UHRF2: variants seen among roughly 807,000 people sequenced by gnomAD.
The protein encoded by UHRF2 is ubiquitin like with PHD and ring finger domains 2, also known as E3 ubiquitin-protein ligase UHRF2.
Under a neutral mutation model 96.8 loss-of-function variants are expected in UHRF2, and 23 were observed. That is an observed-to-expected ratio of 0.24 (90% CI 0.17 to 0.34). UHRF2 has a LOEUF of 0.34. Ranked by LOEUF, UHRF2 falls within the 10% of genes least tolerant of loss-of-function variation. UHRF2 has a pLI of 1.00. For missense variants in UHRF2, 685 were observed against 981.5 expected, an observed-to-expected ratio of 0.70 and a Z score of 4.04; for synonymous variants, 385 against 332.6, an observed-to-expected ratio of 1.16 and a Z score of -1.72.
chr9:6,501,980 T>C (rs2130973379), intron 14 of UHRF2, among the ~76,000 whole-genome samples: 2 of 152,344 alleles, frequency 1.3e-5, no homozygotes, highest in Admixed American at 1.3e-4. Flanking sequence ...GGACAGATTC[T>C]GACCTTCCTA....
chr9:6,447,195 C>G (rs1374423520), intron 3 of UHRF2, among the ~76,000 whole-genome samples: 1 of 152,108 alleles, frequency 6.6e-6, no homozygotes, highest in African/African-American at 2.4e-5. Context: ...AGCCAGCACA[C>G]GTACCTTTTA....
chr9:6,487,635 G>T (rs2130930330), intron 9 of UHRF2, among the ~76,000 whole-genome samples: 1 of 152,296 alleles, frequency 6.6e-6, no homozygotes, highest in East Asian at 1.9e-4. Flanking sequence ...CCAAAGTGTT[G>T]GGATTACAGG....
At chr9:6,501,153 C>G (rs1563811216) in intron 14 of UHRF2, among the ~76,000 whole-genome samples, 1 of 152,138 alleles carries the variant, frequency 6.6e-6, no homozygotes, top group Non-Finnish European at 1.5e-5. Context: ...TCTAAATTTT[C>G]ATTTTTTCTT....
At chr9:6,501,716 G>A (rs1386856235) in intron 14 of UHRF2, among the ~76,000 whole-genome samples, 1 of 152,202 alleles carries the variant, frequency 6.6e-6, no homozygotes, top group East Asian at 1.9e-4. Flanking sequence ...GTGTTTACTT[G>A]TATTTTAGCC....
At chr9:6,442,182 C>G (rs1236133971) in intron 3 of UHRF2, among the ~76,000 whole-genome samples, 3 of 152,176 alleles carry the variant, frequency 2.0e-5, no homozygotes, top group African/African-American at 4.8e-5. Context: ...CCAGGCTGGT[C>G]TCAAACTCCT....
In UHRF2 at chr9:6,451,340, A is replaced by G. The variant is rs185559273; in HGVS notation, c.645-9233A>G. On this transcript the variant is annotated intron_variant, in intron 3 of 15. Transcript: ENST00000276893. ...TTTAGGGATTTCTCACATTTTGTTA[A>G]TTGTGTTTATAATTATGTGACACAT... is the stretch of plus-strand genomic sequence containing the variant. Among the ~76,000 whole-genome samples, 78 of 152,206 alleles carry G rather than the reference A, an allele frequency of 5.1e-4. 1 individual carries two copies. The highest frequency in any genetic ancestry group is 3.4e-4 in the Non-Finnish European group (23 of 67,998).
intron 2 of UHRF2, among the ~76,000 whole-genome samples, chr9:6,430,818 C>T (rs1236398276): frequency 6.6e-6 from 1 of 152,182 alleles, no homozygotes; most frequent in East Asian, 1.9e-4. Context: ...CTGACCAAAC[C>T]TAGTGCTTTC....
Position 6,500,713 on chromosome 9 carries a change from T to C in UHRF2, c.2163+4T>C. 2 of 1,597,282 alleles carry C rather than the reference T, an allele frequency of 1.3e-6. No homozygotes were observed. The highest frequency in any genetic ancestry group is 1.7e-6 in the Non-Finnish European group (2 of 1,174,940). On this transcript the variant is annotated splice_donor_region_variant and intron_variant, in intron 14 of 15. Transcript: ENST00000276893. The stretch of plus-strand genomic sequence containing the variant: ...TTCACATCTTGTGGAAGGACCAGTA[T>C]GTGAAGATTTTTTTAAATAATAACA...
intron 10 of UHRF2, chr9:6,494,281 G>C (rs145644394): frequency 5.0e-6 from 1 of 201,178 alleles, no homozygotes; most frequent in Non-Finnish European, 1.0e-5. Flanking sequence ...CTCCTTTTTA[G>C]AGTAAACTCA....
intron 3 of UHRF2, among the ~76,000 whole-genome samples, chr9:6,436,201 A>AT (rs1448218006): frequency 1.3e-5 from 2 of 152,234 alleles, no homozygotes; most frequent in Non-Finnish European, 2.9e-5. Flanking sequence ...ACACTTCAGT[A>AT]TTCAGATTTC....
intron 2 of UHRF2, among the ~76,000 whole-genome samples, chr9:6,431,028 CTAGAT>C (rs1185517515): frequency 4.6e-5 from 7 of 152,168 alleles, no homozygotes; most frequent in Admixed American, 3.3e-4. Flanking sequence ...TTAATTTGTA[CTAGAT>C]TACTTAGTTA....
At chr9:6,437,686 C>G (rs1317783622) in intron 3 of UHRF2, among the ~76,000 whole-genome samples, 1 of 152,136 alleles carries the variant, frequency 6.6e-6, no homozygotes, top group Non-Finnish European at 1.5e-5. Flanking sequence ...GGTGCGATCT[C>G]AGGTCACTGC....
intron 1 of UHRF2, chr9:6,414,187 G>A (rs1819456045): frequency 6.6e-6 from 1 of 152,286 alleles, no homozygotes; most frequent in African/African-American, 2.4e-5. Context: ...CGCGCAAACT[G>A]AAGATTCGAA....
At chr9:6,426,569 C>T (rs1287361193) in intron 2 of UHRF2, among the ~76,000 whole-genome samples, 2 of 152,058 alleles carry the variant, frequency 1.3e-5, no homozygotes, top group East Asian at 3.9e-4. Context: ...TTGACTGGTG[C>T]CTTTATATTT....
chr9:6,473,785 A>G (rs551669674), intron 4 of UHRF2, among the ~76,000 whole-genome samples: 1 of 152,380 alleles, frequency 6.6e-6, no homozygotes, highest in African/African-American at 2.4e-5. Context: ...ATCAGATGGC[A>G]TAACTAAGTT....
chr9:6,505,546 C>G (rs1416710468), intron 15 of UHRF2, among the ~76,000 whole-genome samples: 1 of 152,240 alleles, frequency 6.6e-6, no homozygotes, highest in Admixed American at 6.5e-5. Flanking sequence ...ATCCACCTGC[C>G]TCAGCCTCCC....
At chr9:6,465,210 A>G (rs760803463) in intron 4 of UHRF2, among the ~76,000 whole-genome samples, 1 of 152,196 alleles carries the variant, frequency 6.6e-6, no homozygotes, top group Non-Finnish European at 1.5e-5. Flanking sequence ...AATTTTGTAG[A>G]TATGCTCTCC....
In UHRF2 at chr9:6,445,981, C is replaced by CTTTGTTTTT. The variant is rs751155835; in HGVS notation, c.644+11811_644+11812insGTTTTTTTT. 1.6e-3 allele frequency among the ~76,000 whole-genome samples: 129 copies of CTTTGTTTTT among 78,874 alleles called. 5 individuals are homozygous for CTTTGTTTTT. Among genetic ancestry groups the CTTTGTTTTT allele is most frequent in the African/African-American group, 3.5e-3 (66 of 19,042 alleles). The allele number at this position is 78,874 out of a possible 152,430, so 51.7% of individuals were successfully genotyped here. A position where few individuals can be genotyped will look rare whatever the true frequency, so the allele number is the denominator to read the frequency against. On this transcript the variant is annotated intron_variant, in intron 3 of 15. Coordinates refer to ENST00000276893, the MANE Select transcript of UHRF2 (RefSeq NM_152896.3). ...TAAATACTCTTCCCCCCCCGCCACC[C>CTTTGTTTTT]TTTTTTTTTTTTTTTTTTTCCTGTT... is the stretch of plus-strand genomic sequence containing the variant.
intron 11 of UHRF2, among the ~76,000 whole-genome samples, chr9:6,497,680 G>C (rs1825053241): frequency 6.6e-6 from 1 of 151,870 alleles, no homozygotes; most frequent in Non-Finnish European, 1.5e-5. Context: ...AATGATTTTA[G>C]TTGTAATAGA....
Sources: gnomAD v4.1 joint callset for allele counts (sites outside exome capture counted in the v4.1 genomes callset) on GRCh38, gnomAD v4.1.1 for gene constraint, MANE v1.5 for transcripts, NCBI Gene and HGNC (gene_info 2026-07-23, HGNC 2026-07-21) for gene names.